Variants in VEGFD observed in about 807,000 individuals in gnomAD.
VEGFD encodes c-fos induced growth factor (vascular endothelial growth factor D).
In VEGFD, 26 loss-of-function variants were observed where a neutral mutation model predicts 28.0. The ratio of observed to expected loss-of-function variants is 0.93; its 90% CI spans 0.68 to 1.29. The LOEUF (loss-of-function observed/expected upper bound fraction) is 1.29, where lower values mean the gene tolerates loss of function less well. Among genes scored for constraint, VEGFD ranks in the 50% most tolerant of loss-of-function variants. VEGFD has a pLI of 0.00. For missense variants in VEGFD, 294 were observed against 273.4 expected (o/e 1.08, Z -0.53); for synonymous variants, 93 against 95.5 (o/e 0.97, Z 0.15).
chrX:15,355,260 T>C lies in VEGFD; in HGVS notation c.531A>G (p.Glu177=), dbSNP rs149425095. Residue 177 remains glutamate (E), a synonymous_variant, in exon 4 of 7, where the codon GAA becomes GAG. Transcript: ENST00000297904. ...EISVPLTSVP[E]LVPVKVANHT... ...GATTGGCAACTTTAACAGGCACTAA[T>C]TCAGGTACTGATGTCAAAGGCACTG... is the stretch of plus-strand genomic sequence containing the variant. The C allele has an allele frequency of 2.1e-3, 2,497 of 1,199,097 alleles. 36 individuals are homozygous for C. The African/African-American group carries it at 0.038, about 18-fold the overall frequency.
chrX:15,381,251 T>A (rs1376622489), intron 1 of VEGFD, among the ~76,000 whole-genome samples: 1 of 111,094 alleles, frequency 9.0e-6, no homozygotes, highest in East Asian at 2.8e-4. Flanking sequence ...TATTTCATGA[T>A]TGCTACAGGA....
chrX:15,348,726 C>T (rs1026155799), intron 5 of VEGFD, among the ~76,000 whole-genome samples: 3 of 112,298 alleles, frequency 2.7e-5, no homozygotes, highest in Admixed American at 9.4e-5. Flanking sequence ...TATTGCTGTC[C>T]GATTCTTTCT....
chrX:15,358,131 T>C lies in VEGFD; in HGVS notation c.364A>G (p.Ser122Gly). The C allele has an allele frequency of 8.3e-7, 1 of 1,211,825 alleles. No individual in the cohort carries two copies. Among genetic ancestry groups the C allele is most frequent in the South Asian group, 1.8e-5 (1 of 56,999 alleles). ...SPRETCVEVA[S>G]ELGKSTNTFF... ...GTGTTGGTACTCTTCCCCAGCTCAC[T>C]GGCCACCTCCACGCACGTTTCTCTA... The change falls in exon 3 of 7, where the codon AGT (serine) becomes GGT (glycine). Residue 122 changes from serine (S) to glycine (G), a missense_variant. Ser to Gly is a moderately conservative substitution (Grantham distance 56, BLOSUM62 0). Transcript: ENST00000297904.
intron 1 of VEGFD, among the ~76,000 whole-genome samples, chrX:15,377,652 G>A (rs1923469424): frequency 8.9e-6 from 1 of 112,083 alleles, no homozygotes; most frequent in Non-Finnish European, 1.9e-5. Flanking sequence ...CCTTCTGAGC[G>A]CATGGTGGGA....
At chrX:15,368,031 G>A (rs868625264) in intron 1 of VEGFD, among the ~76,000 whole-genome samples, 20 of 26,846 alleles carry the variant, frequency 7.4e-4, no homozygotes, top group South Asian at 2.4e-3. Context: ...AGAAAGAAAG[G>A]AAAGAAGAAA....
In VEGFD at chrX:15,358,019, G is replaced by A. The variant is rs1569184636; in HGVS notation, c.476C>T (p.Ser159Leu). 5.0e-6 allele frequency: 6 copies of A among 1,208,940 alleles called. No individual in the cohort carries two copies. Among genetic ancestry groups the A allele is most frequent in the African/African-American group, 3.5e-5 (2 of 57,219 alleles). Reference sequence around the variant, plus strand: ...TCCTTATACCTGTTTGGAAATGTACGAGGTGCTGGTGTTCATACAGATAAG... The same window carrying A: ...TCCTTATACCTGTTTGGAAATGTACAAGGTGCTGGTGTTCATACAGATAAG... ...ESLICMNTST[S>L]YISKQLFEIS... Residue 159 changes from serine (S) to leucine (L), a missense_variant, in exon 3 of 7, where the codon TCG becomes TTG. Coordinates refer to ENST00000297904, the MANE Select transcript of VEGFD (RefSeq NM_004469.5).
intron 1 of VEGFD, among the ~76,000 whole-genome samples, chrX:15,382,319 C>CAAATAAACAAATAAAT (rs1923600661): frequency 1.0e-5 from 1 of 95,421 alleles, no homozygotes; most frequent in African/African-American, 4.0e-5. Context: ...GACTCCGTCT[C>CAAATAAACAAATAAAT]AAATAAATAA....
chrX:15,354,048 A>G (rs1922801595), intron 4 of VEGFD, among the ~76,000 whole-genome samples: 2 of 108,252 alleles, frequency 1.8e-5, no homozygotes, highest in Non-Finnish European at 1.9e-5. Context: ...GGCTCACTGC[A>G]AGCTCCACCT....
intron 4 of VEGFD, among the ~76,000 whole-genome samples, chrX:15,353,575 A>G (rs1922785421): frequency 9.0e-6 from 1 of 111,083 alleles, no homozygotes; most frequent in African/African-American, 3.3e-5. Context: ...CCCCATCTCT[A>G]CTGAAAAATA....
At chrX:15,356,760 T>C (rs1168104739) in intron 3 of VEGFD, among the ~76,000 whole-genome samples, 4 of 111,805 alleles carry the variant, frequency 3.6e-5, no homozygotes, top group Non-Finnish European at 7.5e-5. Flanking sequence ...CATTTTTTTT[T>C]CCTAATTGTC....
At chrX:15,362,400 C>T (rs1284015804) in intron 2 of VEGFD, among the ~76,000 whole-genome samples, 1 of 109,605 alleles carries the variant, frequency 9.1e-6, no homozygotes, top group Admixed American at 9.7e-5. Context: ...AAAGCTATAC[C>T]TAATCTATTG....
At chrX:15,356,011 T>G (rs1181967114) in intron 3 of VEGFD, among the ~76,000 whole-genome samples, 2 of 112,381 alleles carry the variant, frequency 1.8e-5, no homozygotes, top group South Asian at 3.7e-4. Context: ...TGTGTATTAA[T>G]AGCTGACTGA....
At chrX:15,351,771 A>C (rs1014572454) in intron 5 of VEGFD, among the ~76,000 whole-genome samples, 3 of 112,510 alleles carry the variant, frequency 2.7e-5, no homozygotes, top group African/African-American at 9.7e-5. Context: ...CTAGCTCATA[A>C]ATTTTTTATA....
chrX:15,377,641 G>A (rs768810784), intron 1 of VEGFD, among the ~76,000 whole-genome samples: 8 of 112,071 alleles, frequency 7.1e-5, no homozygotes, highest in African/African-American at 2.6e-4. Context: ...CCATCTCTCT[G>A]CCTTCTGAGC....
At chrX:15,352,320 C>CTTTTT (rs72308727) in intron 5 of VEGFD, among the ~76,000 whole-genome samples, 1 of 100,503 alleles carries the variant, frequency 9.9e-6, no homozygotes, top group Non-Finnish European at 2.0e-5. Flanking sequence ...TTTTTTCTTT[C>CTTTTT]TTTTTTTTTT....
chrX:15,368,388 T>C, intron 1 of VEGFD, among the ~76,000 whole-genome samples: 1 of 112,601 alleles, frequency 8.9e-6, no homozygotes, highest in Non-Finnish European at 1.9e-5. Context: ...CTCAGAGTTA[T>C]TTAAGCTTAC....
At chrX:15,368,062 GAAAGAAAGAAAGAAAGAAAGA>G (rs1192646733) in intron 1 of VEGFD, among the ~76,000 whole-genome samples, 28 of 71,398 alleles carry the variant, frequency 3.9e-4, no homozygotes, top group Non-Finnish European at 6.7e-4. Flanking sequence ...AGAAAGAAAG[GAAAGAAAGAAAGAAAGAAAGA>G]AAAGAAAGAA....
In VEGFD at chrX:15,347,282, T is replaced by C; in HGVS notation, c.820A>G (p.Lys274Glu). ...ATTAGATCTTTGGGACATGGTGTTTTACAGACACACTCGCAACGATCTTCG... is the reference window on the plus strand; with the variant it reads ...ATTAGATCTTTGGGACATGGTGTTTCACAGACACACTCGCAACGATCTTCG... ...FDEDRCECVCKTPCPKDLIQH... is the reference protein window; with the variant it reads ...FDEDRCECVCETPCPKDLIQH... Residue 274 changes from lysine to glutamate, a missense_variant, in exon 6 of 7, where the codon AAA becomes GAA. By Grantham distance (56) the Lys-to-Glu change is moderately conservative. Transcript: ENST00000297904. 8.3e-7 allele frequency: 1 copy of C among 1,211,563 alleles called. No homozygotes were observed. The highest frequency in any genetic ancestry group is 1.1e-6 in the Non-Finnish European group (1 of 895,271).
chrX:15,351,276 C>T (rs374483280), intron 5 of VEGFD, among the ~76,000 whole-genome samples: 2,008 of 103,727 alleles, frequency 0.019, 41 homozygotes, highest in African/African-American at 0.066. Flanking sequence ...CCACTACGCC[C>T]GGCTAATTTT....
Sources: allele counts gnomAD v4.1 joint callset (sites outside exome capture counted in the v4.1 genomes callset), GRCh38; gene constraint gnomAD v4.1.1; transcripts MANE v1.5; gene names NCBI Gene and HGNC (gene_info 2026-07-23, HGNC 2026-07-21).